ASAP1: variants seen among roughly 807,000 people sequenced by gnomAD.
ASAP1 encodes ArfGAP with SH3 domain, ankyrin repeat and PH domain 1.
In ASAP1, 43 loss-of-function variants were observed where a neutral mutation model predicts 145.2. The observed-to-expected ratio is 0.30, with a 90% CI of 0.23 to 0.38. The LOEUF is 0.38. ASAP1 is among the 10% of genes least tolerant of loss of function. The pLI, the probability that ASAP1 is intolerant of heterozygous loss-of-function variation, is 1.00. For synonymous variants in ASAP1, 546 were observed against 515.5 expected (o/e 1.06, Z -0.80); for missense variants, 1,018 against 1,355.3 (o/e 0.75, Z 3.91).
At chr8:130,128,112 GAAAAAA>G (rs2097577802) in intron 15 of ASAP1, 22 bp from the exon 16 acceptor site, 1 of 1,120,074 alleles carries the variant, frequency 8.9e-7, no homozygotes. Flanking sequence ...AACATAAGAG[GAAAAAA>G]GTCTTTATAA....
At chr8:130,127,845 T>G in intron 16 of ASAP1, 82 bp downstream of exon 16, 1 of 1,516,172 alleles carries the variant, frequency 6.6e-7, no homozygotes, top group Middle Eastern at 2.0e-4. Context: ...GGGGTTAAGG[T>G]TTTTCAATAA....
chr8:130,114,663 T>C (rs914977873), intron 23 of ASAP1, among the ~76,000 whole-genome samples: 5 of 152,164 alleles, frequency 3.3e-5, no homozygotes, highest in Admixed American at 6.5e-5. Context: ...TTGATCCCCA[T>C]TGAGTATGCA....
At chr8:130,420,262 ACACACAC>A (rs1165446625) in intron 1 of ASAP1, among the ~76,000 whole-genome samples, 1 of 150,010 alleles carries the variant, frequency 6.7e-6, no homozygotes, top group Non-Finnish European at 1.5e-5. Flanking sequence ...ACACACACAC[ACACACAC>A]ACACACACAC....
chr8:130,146,051 C>G (rs2097629192), intron 13 of ASAP1, among the ~76,000 whole-genome samples: 1 of 149,478 alleles, frequency 6.7e-6, no homozygotes, highest in African/African-American at 2.5e-5. Context: ...GGGGTTTTGC[C>G]ACGTAGCCCA....
At chr8:130,231,525 A>G (rs1392491709) in intron 4 of ASAP1, among the ~76,000 whole-genome samples, 5 of 152,198 alleles carry the variant, frequency 3.3e-5, no homozygotes, top group Non-Finnish European at 7.3e-5. Flanking sequence ...CATAAATTCT[A>G]AGGAACCAGC....
intron 3 of ASAP1, among the ~76,000 whole-genome samples, chr8:130,261,930 T>C (rs913410402): frequency 8.5e-5 from 13 of 152,144 alleles, no homozygotes; most frequent in African/African-American, 2.9e-4. Flanking sequence ...ATATATATAA[T>C]AAACAGAATG....
intron 4 of ASAP1, among the ~76,000 whole-genome samples, chr8:130,231,614 G>A (rs140492989): frequency 6.6e-6 from 1 of 152,248 alleles, no homozygotes; most frequent in African/African-American, 2.4e-5. Context: ...CCTAGTAGCA[G>A]GAATATCCTG....
intron 2 of ASAP1, chr8:130,360,972 C>T (rs2138190692): frequency 6.5e-6 from 1 of 152,922 alleles, no homozygotes; most frequent in Middle Eastern, 3.4e-3. Flanking sequence ...CTCTCTGAGA[C>T]TCAGTTACCC....
At chr8:130,382,253 T>C (rs1021576898) in intron 2 of ASAP1, among the ~76,000 whole-genome samples, 3 of 118,588 alleles carry the variant, frequency 2.5e-5, no homozygotes, top group African/African-American at 1.0e-4. Flanking sequence ...GCCACTGCAC[T>C]CCAGCATGAG....
At chr8:130,420,475 T>C (rs1829675610) in intron 1 of ASAP1, among the ~76,000 whole-genome samples, 1 of 152,148 alleles carries the variant, frequency 6.6e-6, no homozygotes, top group Non-Finnish European at 1.5e-5. Context: ...AAATGAATGT[T>C]CATAGCAGCA....
intron 24 of ASAP1, among the ~76,000 whole-genome samples, chr8:130,106,198 G>GA (rs941991254): frequency 1.3e-5 from 2 of 151,862 alleles, no homozygotes; most frequent in African/African-American, 4.8e-5. Flanking sequence ...AAACCCAAAT[G>GA]AAAAAAACAC....
chr8:130,406,259 T>C (rs918030176), intron 1 of ASAP1, among the ~76,000 whole-genome samples: 1 of 151,374 alleles, frequency 6.6e-6, no homozygotes, highest in Non-Finnish European at 1.5e-5. Flanking sequence ...TATTCATTCA[T>C]TCATTCATTA....
At chr8:130,361,697 T>G in intron 2 of ASAP1, 2 of 1,535,272 alleles carry the variant, frequency 1.3e-6, no homozygotes, top group South Asian at 2.4e-5. Context: ...CCTCTTTAAA[T>G]TTGAAACCAT....
chr8:130,058,090 A>G lies in ASAP1; in HGVS notation c.3193-14T>C. On this transcript the variant is annotated splice_polypyrimidine_tract_variant and intron_variant, in intron 28 of 29. Transcript: ENST00000518721. ...TTTATTTTTCCCCTTAAAGAAAGAA[A>G]CTGGGTTTTAATTGAAAGAATGGAC... 6.2e-7 allele frequency: 1 copy of G among 1,611,524 alleles called. No homozygotes were observed. Among genetic ancestry groups the G allele is most frequent in the Non-Finnish European group, 8.5e-7 (1 of 1,177,744 alleles).
chr8:130,275,085 GGAAT>G (rs1468647165), intron 3 of ASAP1, among the ~76,000 whole-genome samples: 1 of 152,190 alleles, frequency 6.6e-6, no homozygotes, highest in Non-Finnish European at 1.5e-5. Flanking sequence ...CTGTGAAACA[GGAAT>G]GAATAATCCT....
At chr8:130,388,472 C>T (rs762607656) in intron 2 of ASAP1, among the ~76,000 whole-genome samples, 4 of 152,146 alleles carry the variant, frequency 2.6e-5, no homozygotes, top group African/African-American at 4.8e-5. Flanking sequence ...ATTAATTAGG[C>T]ATTTCAGATC....
chr8:130,353,501 T>C (rs978428538), intron 3 of ASAP1, among the ~76,000 whole-genome samples: 1 of 152,236 alleles, frequency 6.6e-6, no homozygotes, highest in Non-Finnish European at 1.5e-5. Flanking sequence ...GTCTCCTATG[T>C]TCCCTATAAA....
intron 2 of ASAP1, among the ~76,000 whole-genome samples, chr8:130,385,984 T>C (rs1827996897): frequency 6.6e-6 from 1 of 152,214 alleles, no homozygotes; most frequent in Non-Finnish European, 1.5e-5. Flanking sequence ...TCCATGGCCT[T>C]GTCCACAGTG....
At chr8:130,283,216 A>G (rs1286534889) in intron 3 of ASAP1, among the ~76,000 whole-genome samples, 1 of 152,194 alleles carries the variant, frequency 6.6e-6, no homozygotes, top group East Asian at 1.9e-4. Flanking sequence ...CTTTGTAGAG[A>G]GCATGGCATC....
Sources: allele counts gnomAD v4.1 joint callset (sites outside exome capture counted in the v4.1 genomes callset), GRCh38; gene constraint gnomAD v4.1.1; transcripts MANE v1.5; gene names NCBI Gene and HGNC (gene_info 2026-07-23, HGNC 2026-07-21).